Variants in CEP290 observed in about 807,000 individuals in gnomAD.
CEP290 encodes the protein centrosomal protein of 290 kDa.
CEP290 carries 317 observed loss-of-function variants against 344.9 expected under a neutral mutation model. That is an observed-to-expected ratio of 0.92 (90% CI 0.84 to 1.01). CEP290 has a LOEUF of 1.01. Among genes scored for constraint, CEP290 ranks in the 50% least tolerant of loss-of-function variants. The pLI is 0.00. For synonymous variants in CEP290, 932 were observed against 895.8 expected (o/e 1.04, Z -0.72); for missense variants, 2,754 against 2,761.4 (o/e 1.00, Z 0.06).
chr12:88,111,438 AT>A, intron 21 of CEP290, 87 bp from the exon 22 acceptor site: 1 of 1,255,480 alleles, frequency 8.0e-7, no homozygotes, highest in Non-Finnish European at 1.1e-6. Flanking sequence ...CCTGCCAGGA[AT>A]TTTACCTCAA....
intron 38 of CEP290, among the ~76,000 whole-genome samples, 200 bp downstream of exon 38, chr12:88,079,982 A>G (rs2036072527): frequency 6.6e-6 from 1 of 152,202 alleles, no homozygotes; most frequent in African/African-American, 2.4e-5. Context: ...ACGAAAACAT[A>G]AAAAGATAAA....
intron 44 of CEP290, among the ~76,000 whole-genome samples, chr12:88,066,152 A>G (rs537541445): frequency 3.5e-4 from 54 of 152,352 alleles, no homozygotes; most frequent in Non-Finnish European, 6.0e-4. Flanking sequence ...GGTGACTGGA[A>G]TATCTCAGGT....
At chr12:88,111,615 C>A (rs2038696377) in intron 21 of CEP290, 79 bp downstream of exon 21, 3 of 1,240,832 alleles carry the variant, frequency 2.4e-6, no homozygotes, top group Admixed American at 6.2e-5. Flanking sequence ...ATAAAGCATT[C>A]TTTTTAAAAA....
At position 88,090,759 on chromosome 12, in the gene CEP290, T is replaced by C. The variant is rs1402260550; in HGVS notation, c.3542A>G (p.Glu1181Gly). The change falls in exon 30 of 54, where the codon GAG (glutamate) becomes GGG (glycine). Residue 1181 changes from glutamate (E) to glycine (G), a missense_variant. Coordinates refer to ENST00000552810, the MANE Select transcript of CEP290 (RefSeq NM_025114.4). ...GTCTAGCAGTTGCATTCTGAGGGAC[T>C]CTACTTCCTTGTCCCTAGATTGTTG... ...AQQQSRDKEV[E>G]SLRMQLLDYQ... 2 of 1,561,474 alleles carry C rather than the reference T, an allele frequency of 1.3e-6. No individual in the cohort carries two copies. Among genetic ancestry groups the C allele is most frequent in the Non-Finnish European group, 1.7e-6 (2 of 1,150,574 alleles).
chr12:88,121,592 G>A lies in CEP290; in HGVS notation c.1190-426C>T, dbSNP rs181763662. 1.4e-3 allele frequency among the ~76,000 whole-genome samples: 209 copies of A among 144,334 alleles called. 1 individual carries two copies. The highest frequency in any genetic ancestry group is 0.011 in the Middle Eastern group (3 of 274). 94.7% of individuals were successfully genotyped at this position (144,334 alleles called of 152,430 possible). ...GTCATGTCAGTAATGGAATATAAACGCAAAGTTCATATGTGAATTTCAAAA... is the reference window on the plus strand; with the variant it reads ...GTCATGTCAGTAATGGAATATAAACACAAAGTTCATATGTGAATTTCAAAA... On this transcript the variant is annotated intron_variant, in intron 13 of 53. Transcript: ENST00000552810.
rs1295893226 is a variant in CEP290 at position 88,136,702 on chromosome 12, CT to C, written c.381del (p.Asp128IlefsTer35). ...TTTTCCATGTCCTCCAATTCTCTAT[CT>C]TTTTGTTCTAATTGTTTTTCAAGTT... ...ICQLEKQLEQKDRELEDMEKE... is the reference protein window; with the variant it reads ...ICQLEKQLEQXDRELEDMEKE... On this transcript the variant is annotated frameshift_variant, in exon 6 of 54. Transcript: ENST00000552810. LOFTEE classifies it high-confidence loss of function. 1.2e-6 allele frequency: 2 copies of C among 1,613,610 alleles called. No homozygotes were observed. Among genetic ancestry groups the C allele is most frequent in the Non-Finnish European group, 8.5e-7 (1 of 1,179,672 alleles).
At position 88,090,851 on chromosome 12, in the gene CEP290, T is replaced by A; in HGVS notation, c.3462-12A>T. Reference sequence around the variant, plus strand: ...AAATCTCTCTCAGTCTAGGAAATGATAAGGTATTTCAGGAACAATTAAGTA... The same window carrying A: ...AAATCTCTCTCAGTCTAGGAAATGAAAAGGTATTTCAGGAACAATTAAGTA... On this transcript the variant is annotated splice_polypyrimidine_tract_variant and intron_variant, in intron 29 of 53. Transcript: ENST00000552810. 6.7e-7 allele frequency: 1 copy of A among 1,492,766 alleles called. No individual in the cohort carries two copies. Among genetic ancestry groups the A allele is most frequent in the Non-Finnish European group, 9.1e-7 (1 of 1,096,034 alleles). The allele number at this position is 1,492,766 out of a possible 1,614,324, so 92.5% of individuals were successfully genotyped here. A position where few individuals can be genotyped will look rare whatever the true frequency, so the allele number is the denominator to read the frequency against.
In CEP290 at chr12:88,086,485, C is replaced by T. The variant is rs758461632; in HGVS notation, c.4208G>A (p.Arg1403Lys). 6.3e-7 allele frequency: 1 copy of T among 1,592,592 alleles called. No homozygotes were observed. The highest frequency in any genetic ancestry group is 1.1e-5 in the South Asian group (1 of 87,944). Residue 1403 changes from arginine (R) to lysine (K), a missense_variant, in exon 33 of 54, where the codon AGA (arginine) becomes AAA (lysine). Physicochemically the swap from Arg to Lys is conservative, Grantham distance 26. Coordinates refer to ENST00000552810, the MANE Select transcript of CEP290 (RefSeq NM_025114.4). ...TTCTCTTTGATCCCAGGCCATTTGT[C>T]TTTCTTCATGAAACTAAAAAAAGGA... is the stretch of plus-strand genomic sequence containing the variant. The part of the protein sequence containing the change: ...IVQQNKFHEE[R>K]QMAWDQREVD...
At chr12:88,069,867 C>A (rs1272630387) in intron 43 of CEP290, among the ~76,000 whole-genome samples, 1 of 151,992 alleles carries the variant, frequency 6.6e-6, no homozygotes, top group Non-Finnish European at 1.5e-5. Flanking sequence ...TTACAAAGAT[C>A]AGTAATATGA....
chr12:88,075,039 C>T (rs938994518), intron 41 of CEP290, among the ~76,000 whole-genome samples: 12 of 152,122 alleles, frequency 7.9e-5, no homozygotes, highest in East Asian at 5.8e-4. Context: ...GTGGGAACTT[C>T]GGAAGTCACG....
In CEP290 at chr12:88,141,189, A is replaced by G. The variant is rs2040635602; in HGVS notation, c.102+17T>C. 3 of 1,547,974 alleles carry G rather than the reference A, an allele frequency of 1.9e-6. No individual in the cohort carries two copies. Among genetic ancestry groups the G allele is most frequent in the Non-Finnish European group, 2.6e-6 (3 of 1,133,390 alleles). ...TAAGTTAATGTATATATCTATTATT[A>G]TTGACCAATTAAGCACCTTGGATAA... On this transcript the variant is annotated intron_variant, in intron 2 of 53. Transcript: ENST00000552810.
At chr12:88,079,873 A>G (rs1029434532) in intron 38 of CEP290, among the ~76,000 whole-genome samples, 1 of 152,132 alleles carries the variant, frequency 6.6e-6, no homozygotes, top group Admixed American at 6.5e-5. Context: ...ATAAAATTCC[A>G]GTAGAAAAAA....
intron 46 of CEP290, among the ~76,000 whole-genome samples, chr12:88,062,158 T>C (rs2136774435): frequency 6.6e-6 from 1 of 152,314 alleles, no homozygotes; most frequent in East Asian, 1.9e-4. Context: ...AGAATGACTC[T>C]GCATTATGAT....
chr12:88,097,584 C>CAT lies in CEP290; in HGVS notation c.2992-587_2992-586dup, dbSNP rs1202162555. Among the ~76,000 whole-genome samples the CAT allele has an allele frequency of 3.3e-4, 45 of 135,560 alleles. No homozygotes were observed. The East Asian group carries it at 3.7e-3, about 11-fold the overall frequency. The allele number at this position is 135,560 out of a possible 152,430, so 88.9% of individuals were successfully genotyped here. ...GAGAACGGACTAATACACATACATA[C>CAT]ATATATATATACACACACACACACA... On this transcript the variant is annotated intron_variant, in intron 26 of 53. Transcript: ENST00000552810.
intron 34 of CEP290, among the ~76,000 whole-genome samples, chr12:88,085,824 G>T (rs970013130): frequency 6.6e-6 from 1 of 151,996 alleles, no homozygotes; most frequent in Non-Finnish European, 1.5e-5. Flanking sequence ...TCAGTGTACC[G>T]AAAGGTACCA....
chr12:88,066,794 A>T (rs1214469719), intron 44 of CEP290, among the ~76,000 whole-genome samples: 1 of 152,100 alleles, frequency 6.6e-6, no homozygotes, highest in Non-Finnish European at 1.5e-5. Flanking sequence ...GTTCCACCAC[A>T]TCTGTCTAAA....
At chr12:88,085,984 GC>G (rs2036546285) in intron 34 of CEP290, 54 bp downstream of exon 34, 5 of 1,471,870 alleles carry the variant, frequency 3.4e-6, no homozygotes, top group Non-Finnish European at 4.6e-6. Context: ...TATTTAGAAA[GC>G]CCCCCAAACA....
chr12:88,093,996 G>C (rs1465269007), intron 27 of CEP290, 21 bp from the exon 28 acceptor site: 5 of 1,541,822 alleles, frequency 3.2e-6, no homozygotes, highest in Non-Finnish European at 2.6e-6. Context: ...TAATATTTAA[G>C]TCAATCTCAT....
In CEP290 at chr12:88,050,409, A is replaced by AT; in HGVS notation, c.7153dup (p.Ile2385AsnfsTer33). On this transcript the variant is annotated frameshift_variant, in exon 53 of 54. Coordinates refer to ENST00000552810, the MANE Select transcript of CEP290 (RefSeq NM_025114.4). LOFTEE classifies it high-confidence loss of function. ...TTTGAGCTGTGTCTCTAGATCTTTT[A>AT]TTTTTTCCTTTAGTTGATCAGCATC... 1 of 1,560,878 alleles carries AT rather than the reference A, an allele frequency of 6.4e-7. No individual in the cohort carries two copies. Among genetic ancestry groups the AT allele is most frequent in the Non-Finnish European group, 8.8e-7 (1 of 1,142,404 alleles).
Sources: allele counts gnomAD v4.1 joint callset (sites outside exome capture counted in the v4.1 genomes callset), GRCh38; gene constraint gnomAD v4.1.1; transcripts MANE v1.5; gene names NCBI Gene and HGNC (gene_info 2026-07-23, HGNC 2026-07-21).